CAMTA1: variants seen among roughly 807,000 people sequenced by gnomAD.
CAMTA1 encodes calmodulin-binding transcription activator 1.
In CAMTA1, 27 loss-of-function variants were observed where a neutral mutation model predicts 170.9. The ratio of observed to expected loss-of-function variants is 0.16; its 90% confidence interval spans 0.12 to 0.22. CAMTA1 has a LOEUF of 0.22. Ranked by LOEUF, CAMTA1 falls within the 10% of genes least tolerant of loss-of-function variation. The probability of loss-of-function intolerance (pLI) is 1.00; values close to 1 mark genes in which losing one functional copy is unlikely to be tolerated. For synonymous variants in CAMTA1, 833 were observed against 891.5 expected (o/e 0.93, Z 1.17); for missense variants, 1,619 against 2,217.2 (o/e 0.73, Z 5.42).
chr1:7,092,992 G>A lies in CAMTA1; in HGVS notation c.302+1621G>A, dbSNP rs1427536827. Among the ~76,000 whole-genome samples, 2 of 152,236 alleles carry A rather than the reference G, an allele frequency of 1.3e-5. No homozygotes were observed. The highest frequency in any genetic ancestry group is 4.8e-5 in the African/African-American group (2 of 41,458). On this transcript the variant is annotated intron_variant, in intron 4 of 22. Transcript: ENST00000303635. This position sits in a 1 kb window ranked among gnomAD's most constrained non-coding sequence, Gnocchi z 5.0. Reference sequence around the variant, plus strand: ...CCCCTGGCCAAGCCCAGTAAGAATGGGGCTGGGAAGGACATCCCTCCACAG... The same window carrying A: ...CCCCTGGCCAAGCCCAGTAAGAATGAGGCTGGGAAGGACATCCCTCCACAG...
At chr1:7,716,452 A>G (rs1053220094) in intron 11 of CAMTA1, among the ~76,000 whole-genome samples, 23 of 152,210 alleles carry the variant, frequency 1.5e-4, no homozygotes, top group Admixed American at 1.4e-3. Flanking sequence ...TGTACATTTC[A>G]TTCTACTAAG....
intron 3 of CAMTA1, among the ~76,000 whole-genome samples, chr1:6,905,152 G>A (rs1023518393): frequency 6.7e-6 from 1 of 148,684 alleles, no homozygotes; most frequent in Admixed American, 6.7e-5. Flanking sequence ...GCCCTCGTGA[G>A]TCCCTGAACT....
At chr1:6,879,122 C>T (rs1269803166) in intron 3 of CAMTA1, among the ~76,000 whole-genome samples, 1 of 152,030 alleles carries the variant, frequency 6.6e-6, no homozygotes, top group Non-Finnish European at 1.5e-5. Flanking sequence ...CATGTTATAC[C>T]GGGATAAATA....
chr1:6,871,503 TG>T (rs376942481), intron 3 of CAMTA1, among the ~76,000 whole-genome samples: 1 of 152,288 alleles, frequency 6.6e-6, no homozygotes, highest in African/African-American at 2.4e-5. Context: ...AAACAGGTTA[TG>T]GGGTCAAATT....
rs1291796746 is a variant in CAMTA1 at position 7,234,453 on chromosome 1, C to T, written c.303-15038C>T. On this transcript the variant is annotated intron_variant, in intron 4 of 22. Coordinates refer to ENST00000303635, the MANE Select transcript of CAMTA1 (RefSeq NM_015215.4). The surrounding 1 kb of genome is among the most constrained non-coding windows in gnomAD (Gnocchi z 5.0). ...GGCCTGCCCAGGGCGGGCCTCTGTG[C>T]GTCATTGTTCTTCCTCCCTACCGGA... Among the ~76,000 whole-genome samples, 1 of 152,222 alleles carries T rather than the reference C, an allele frequency of 6.6e-6. No homozygotes were observed. The highest frequency in any genetic ancestry group is 1.5e-5 in the Non-Finnish European group (1 of 68,036).
chr1:6,888,060 G>A (rs1029787882), intron 3 of CAMTA1: 23 of 1,074,504 alleles, frequency 2.1e-5, no homozygotes, highest in African/African-American at 9.8e-5. Context: ...CCCAGCGGTG[G>A]TATGTTTTCC....
At chr1:7,697,938 T>C (rs4908680) in intron 11 of CAMTA1, among the ~76,000 whole-genome samples, 2,333 of 152,194 alleles carry the variant, frequency 0.015, 27 homozygotes, top group Middle Eastern at 0.075. Context: ...GAATGGGTAC[T>C]TTCTCTTGAT....
At chr1:7,637,719 C>A (rs2095724472) in intron 6 of CAMTA1, among the ~76,000 whole-genome samples, 1 of 152,230 alleles carries the variant, frequency 6.6e-6, no homozygotes. Flanking sequence ...GCCCTGCTGG[C>A]ACATAGCTTT....
rs1439207881 is a variant in CAMTA1 at position 7,299,354 on chromosome 1, A to G, written c.438+49728A>G. On this transcript the variant is annotated intron_variant, in intron 5 of 22. Coordinates refer to ENST00000303635, the MANE Select transcript of CAMTA1 (RefSeq NM_015215.4). The surrounding 1 kb of genome is among the most constrained non-coding windows in gnomAD (Gnocchi z 4.7). Reference sequence around the variant, plus strand: ...GAGCTTCGCCTTTGACTCTGAAGCCAGTGCTGTCAGCAGTTTCTCCCCCTT... The same window carrying G: ...GAGCTTCGCCTTTGACTCTGAAGCCGGTGCTGTCAGCAGTTTCTCCCCCTT... 6.6e-6 allele frequency among the ~76,000 whole-genome samples: 1 copy of G among 152,234 alleles called. No homozygotes were observed. The highest frequency in any genetic ancestry group is 2.4e-5 in the African/African-American group (1 of 41,478).
At chr1:7,630,951 T>A (rs1471046207) in intron 6 of CAMTA1, among the ~76,000 whole-genome samples, 1 of 152,202 alleles carries the variant, frequency 6.6e-6, no homozygotes, top group Non-Finnish European at 1.5e-5. Flanking sequence ...CTCTTTCAGT[T>A]CCTACTCCCT....
At chr1:6,974,135 T>C (rs558743112) in intron 3 of CAMTA1, among the ~76,000 whole-genome samples, 48 of 133,850 alleles carry the variant, frequency 3.6e-4, no homozygotes, top group African/African-American at 1.2e-3. Context: ...TCTGGGCTGC[T>C]CTGGTTTGTA....
intron 5 of CAMTA1, among the ~76,000 whole-genome samples, chr1:7,377,199 A>G (rs1380717836): frequency 1.3e-5 from 2 of 152,170 alleles, no homozygotes; most frequent in Non-Finnish European, 2.9e-5. Flanking sequence ...CATTCATTCA[A>G]GCATTTACTA....
intron 5 of CAMTA1, among the ~76,000 whole-genome samples, chr1:7,412,092 C>T (rs1383096677): frequency 1.3e-5 from 2 of 152,130 alleles, no homozygotes. Context: ...ATGAACTCAT[C>T]ATTTTTTATG....
At chr1:7,221,253 C>T (rs1198066239) in intron 4 of CAMTA1, among the ~76,000 whole-genome samples, 1 of 151,220 alleles carries the variant, frequency 6.6e-6, no homozygotes, top group African/African-American at 2.4e-5. Flanking sequence ...TTAGACAGAA[C>T]TCTCATTCAC....
rs777170633 is a variant in CAMTA1, at chr1:7,666,093, C to T, written c.2652+894C>T. Among the ~76,000 whole-genome samples, 10 of 151,766 alleles carry T rather than the reference C, an allele frequency of 6.6e-5. No individual in the cohort carries two copies. The Middle Eastern group carries it at 0.01, about 155-fold the overall frequency. Reference sequence around the variant, plus strand: ...CTGAGGCAGGAGAATCGCTTGAACCCGGGAGGTGGAGGTTGCAGTGAGTCG... The same window carrying T: ...CTGAGGCAGGAGAATCGCTTGAACCTGGGAGGTGGAGGTTGCAGTGAGTCG... On this transcript the variant is annotated intron_variant, in intron 9 of 22. Coordinates refer to ENST00000303635, the MANE Select transcript of CAMTA1 (RefSeq NM_015215.4).
In CAMTA1 at chr1:7,044,156, T is replaced by G. The variant is rs1051055596; in HGVS notation, c.235-47148T>G. Among the ~76,000 whole-genome samples, 3 of 152,202 alleles carry G rather than the reference T, an allele frequency of 2.0e-5. No homozygotes were observed. The highest frequency in any genetic ancestry group is 2.9e-5 in the Non-Finnish European group (2 of 68,018). The stretch of plus-strand genomic sequence containing the variant: ...GCAGAAGGCACGTGGGTGTCACATA[T>G]GCACACACATGCATGCACAGCGCAT... On this transcript the variant is annotated intron_variant, in intron 3 of 22. Coordinates refer to ENST00000303635, the MANE Select transcript of CAMTA1 (RefSeq NM_015215.4). The surrounding 1 kb of genome is among the most constrained non-coding windows in gnomAD (Gnocchi z 5.0).
At position 7,012,082 on chromosome 1, in the gene CAMTA1, C is replaced by T. The variant is rs112951564; in HGVS notation, c.235-79222C>T. On this transcript the variant is annotated intron_variant, in intron 3 of 22. Coordinates refer to ENST00000303635, the MANE Select transcript of CAMTA1 (RefSeq NM_015215.4). ...GGGGAAACCCAGCCCTTGCCTTGCC[C>T]CTTGTCCATACCTGTGCAGCCGGAG... is the stretch of plus-strand genomic sequence containing the variant. 9.8e-3 allele frequency among the ~76,000 whole-genome samples: 1,490 copies of T among 152,282 alleles called. 13 individuals carry two copies. Among genetic ancestry groups the T allele is most frequent in the South Asian group, 0.024 (114 of 4,824 alleles).
intron 1 of CAMTA1, 34 bp downstream of exon 1, chr1:6,785,609 C>CGCGGCGG: frequency 3.0e-6 from 3 of 987,940 alleles, no homozygotes; most frequent in Non-Finnish European, 3.6e-6. Context: ...TGGGGGGCGG[C>CGCGGCGG]GCGGCGGGCG....
intron 6 of CAMTA1, among the ~76,000 whole-genome samples, chr1:7,497,302 C>T (rs765998272): frequency 3.9e-5 from 6 of 152,136 alleles, no homozygotes; most frequent in Non-Finnish European, 8.8e-5. Flanking sequence ...CAGCCACCTC[C>T]CCCATGTCAA....
Sources: allele counts gnomAD v4.1 joint callset (sites outside exome capture counted in the v4.1 genomes callset), GRCh38; gene constraint gnomAD v4.1.1; non-coding constraint Gnocchi (gnomAD v3.1); transcripts MANE v1.5; gene names NCBI Gene and HGNC (gene_info 2026-07-23, HGNC 2026-07-21).